TAMM41: variants seen among roughly 807,000 people sequenced by gnomAD.
TAMM41 encodes phosphatidate cytidylyltransferase, mitochondrial.
In TAMM41, 36 loss-of-function variants were observed where a neutral mutation model predicts 44.1. The observed-to-expected ratio is 0.82, with a 90% CI of 0.63 to 1.08. The LOEUF (loss-of-function observed/expected upper bound fraction) is 1.08, where lower values mean the gene tolerates loss of function less well. Ranked by LOEUF, TAMM41 falls within the 50% of genes least tolerant of loss-of-function variation. TAMM41 has a pLI of 0.00. For synonymous variants in TAMM41, 164 were observed against 153.1 expected (o/e 1.07, Z -0.53); for missense variants, 417 against 404.3 (o/e 1.03, Z -0.27).
intron 7 of TAMM41, chr3:11,807,535 C>T: frequency 2.6e-6 from 4 of 1,536,064 alleles, no homozygotes; most frequent in Non-Finnish European, 3.5e-6. Flanking sequence ...TCCTATGCAT[C>T]TGTAACTTTG....
chr3:11,823,840 T>TC (rs1338222946), intron 4 of TAMM41, among the ~76,000 whole-genome samples: 4 of 149,250 alleles, frequency 2.7e-5, no homozygotes, highest in Non-Finnish European at 6.0e-5. Flanking sequence ...TTTTTTTTTT[T>TC]TTTTGAGACA....
At chr3:11,753,825 C>T in the TAMM41 span, among the ~76,000 whole-genome samples, 19 of 151,968 alleles carry the variant, frequency 1.3e-4, no homozygotes, top group African/African-American at 3.9e-4. Context: ...TTGGTGCACC[C>T]CAATAAAGAA....
chr3:11,757,805 T>C, the TAMM41 span, among the ~76,000 whole-genome samples: 1 of 152,326 alleles, frequency 6.6e-6, no homozygotes, highest in East Asian at 1.9e-4. Flanking sequence ...CAATCATTCA[T>C]ACAGAAAACA....
the TAMM41 span, among the ~76,000 whole-genome samples, chr3:11,772,331 T>C: frequency 2.0e-5 from 3 of 151,694 alleles, no homozygotes; most frequent in African/African-American, 7.3e-5. Flanking sequence ...TCCGCCCTCC[T>C]TGGCCTCCCA....
chr3:11,787,259 G>T (rs2077422996), downstream of TAMM41, among the ~76,000 whole-genome samples: 1 of 152,186 alleles, frequency 6.6e-6, no homozygotes, highest in South Asian at 2.1e-4. Context: ...AGTCACTAAG[G>T]CCCACCGACA....
the TAMM41 span, among the ~76,000 whole-genome samples, chr3:11,754,283 G>A: frequency 9.9e-5 from 15 of 152,002 alleles, no homozygotes; most frequent in African/African-American, 3.6e-4. Flanking sequence ...CACTACCCAG[G>A]CATCTAATCT....
At position 11,790,556 on chromosome 3, in the gene TAMM41, A is replaced by G. The variant is rs1392495697; in HGVS notation, c.963T>C (p.Ser321=). The change falls in exon 8 of 8, where the codon AGT becomes AGC. Residue 321 remains serine, a synonymous_variant. Coordinates refer to ENST00000455809, the MANE Select transcript of TAMM41 (RefSeq NM_001284401.2). ...TAGLKKSVIY[S]SLKLHKMWKG... is the part of the protein sequence containing the mutation. ...TCCACATTTTGTGCAGTTTTAGTGA[A>G]CTATAAATCACTGACTTCTTCAGGC... 1.2e-6 allele frequency: 2 copies of G among 1,613,954 alleles called. No homozygotes were observed. Among genetic ancestry groups the G allele is most frequent in the Non-Finnish European group, 1.7e-6 (2 of 1,179,978 alleles).
At chr3:11,791,142 C>T (rs1222444768) in intron 7 of TAMM41, among the ~76,000 whole-genome samples, 2 of 152,202 alleles carry the variant, frequency 1.3e-5, no homozygotes, top group Admixed American at 1.3e-4. Context: ...ACGTGTGGGC[C>T]GATTCACCCA....
the TAMM41 span, among the ~76,000 whole-genome samples, chr3:11,769,138 G>C: frequency 6.6e-6 from 1 of 152,188 alleles, no homozygotes; most frequent in African/African-American, 2.4e-5. Flanking sequence ...GCCCAGGCTG[G>C]AGTGCTGTGG....
chr3:11,815,436 T>C (rs2078241799), intron 5 of TAMM41, among the ~76,000 whole-genome samples: 2 of 152,072 alleles, frequency 1.3e-5, no homozygotes, highest in African/African-American at 2.4e-5. Flanking sequence ...GTTTTACGGA[T>C]CTGTCAAGAG....
chr3:11,831,672 G>A (rs1031660808), intron 3 of TAMM41, among the ~76,000 whole-genome samples: 1 of 152,196 alleles, frequency 6.6e-6, no homozygotes, highest in African/African-American at 2.4e-5. Flanking sequence ...AGCAAGGAAA[G>A]AGGAGAATGC....
the TAMM41 span, among the ~76,000 whole-genome samples, chr3:11,725,904 C>T: frequency 0.14 from 20,788 of 152,140 alleles, 1,767 homozygotes; most frequent in East Asian, 0.43. Flanking sequence ...ACCAATGACA[C>T]GTGTGGAAGG....
the TAMM41 span, among the ~76,000 whole-genome samples, chr3:11,768,336 C>T: frequency 6.6e-6 from 1 of 151,952 alleles, no homozygotes; most frequent in South Asian, 2.1e-4. Flanking sequence ...TGGGGTCTCC[C>T]TATATTGCCC....
At position 11,817,230 on chromosome 3, in the gene TAMM41, G is replaced by C; in HGVS notation, c.670C>G (p.Pro224Ala). ...TGCTGGCTTTTATACACCACTTGAGGATTTTCCTGTAGTATGCTGCCATAG... is the reference window on the plus strand; with the variant it reads ...TGCTGGCTTTTATACACCACTTGAGCATTTTCCTGTAGTATGCTGCCATAG... ...ELYGSILQENPQVVYKSQQGW... is the reference protein window; with the variant it reads ...ELYGSILQENAQVVYKSQQGW... The change falls in exon 5 of 8, where the codon CCT becomes GCT. Residue 224 changes from proline (P) to alanine (A), a missense_variant. Coordinates refer to ENST00000455809, the MANE Select transcript of TAMM41 (RefSeq NM_001284401.2). The C allele has an allele frequency of 6.2e-7, 1 of 1,612,606 alleles. No individual in the cohort carries two copies. Among genetic ancestry groups the C allele is most frequent in the Non-Finnish European group, 8.5e-7 (1 of 1,178,894 alleles).
Position 11,846,776 on chromosome 3 carries a change from G to T in TAMM41, c.-140C>A. 1.8e-6 allele frequency: 2 copies of T among 1,096,852 alleles called. No homozygotes were observed. The highest frequency in any genetic ancestry group is 2.6e-6 in the Non-Finnish European group (2 of 761,306). The allele number at this position is 1,096,852 out of a possible 1,614,324, so 67.9% of individuals were successfully genotyped here. A position where few individuals can be genotyped will look rare whatever the true frequency, so the allele number is the denominator to read the frequency against. On this transcript the variant is annotated 5_prime_UTR_variant, in exon 1 of 8. Coordinates refer to ENST00000455809, the MANE Select transcript of TAMM41 (RefSeq NM_001284401.2). ...GGACACAAGGCTGAGTGTGGGGTGG[G>T]ACTGCAAGCACACGCAAGGATTGGG...
At chr3:11,741,311 A>C in the TAMM41 span, among the ~76,000 whole-genome samples, 1 of 146,920 alleles carries the variant, frequency 6.8e-6, no homozygotes, top group Non-Finnish European at 1.5e-5. Context: ...GCGTCCCCAC[A>C]CAGCAGAAGG....
At chr3:11,758,934 A>T in the TAMM41 span, among the ~76,000 whole-genome samples, 1 of 152,208 alleles carries the variant, frequency 6.6e-6, no homozygotes, top group African/African-American at 2.4e-5. Context: ...GGCCTCCCAA[A>T]GTGCTGGGAT....
intron 1 of TAMM41, 108 bp downstream of exon 1, chr3:11,846,394 G>A: frequency 7.8e-7 from 1 of 1,287,756 alleles, no homozygotes; most frequent in South Asian, 1.3e-5. Flanking sequence ...TAGTGGACAC[G>A]TGGAGTGTGC....
chr3:11,807,160 G>A (rs915829184), intron 7 of TAMM41: 13 of 1,320,360 alleles, frequency 9.8e-6, no homozygotes, highest in Non-Finnish European at 1.2e-5. Flanking sequence ...CCCTAGAGGG[G>A]ACAGCGAAGA....
Sources: gnomAD v4.1 joint callset for allele counts (sites outside exome capture counted in the v4.1 genomes callset) on GRCh38, gnomAD v4.1.1 for gene constraint, MANE v1.5 for transcripts, NCBI Gene and HGNC (gene_info 2026-07-23, HGNC 2026-07-21) for gene names.